Variants in LIN28B observed in about 807,000 individuals in gnomAD.
LIN28B encodes the protein lin-28 RNA binding posttranscriptional regulator B.
In LIN28B, 5 loss-of-function variants were observed where a neutral mutation model predicts 21.9. The ratio of observed to expected loss-of-function variants is 0.23; its 90% CI spans 0.12 to 0.48. The LOEUF (loss-of-function observed/expected upper bound fraction) is 0.48. Among genes scored for constraint, LIN28B ranks in the 20% least tolerant of loss-of-function variants. LIN28B has a pLI of 0.98. For missense variants in LIN28B, 245 were observed against 310.5 expected, an observed-to-expected ratio of 0.79 and a Z score of 1.58; for synonymous variants, 109 against 111.3, an observed-to-expected ratio of 0.98 and a Z score of 0.13.
intron 3 of LIN28B, among the ~76,000 whole-genome samples, chr6:105,057,875 A>G (rs575617161): frequency 6.6e-6 from 1 of 152,196 alleles, no homozygotes; most frequent in African/African-American, 2.4e-5. Flanking sequence ...TTGACCTAGT[A>G]GTGTTAAGAA....
chr6:105,015,030 T>G (rs374316684), intron 2 of LIN28B, among the ~76,000 whole-genome samples: 8 of 152,142 alleles, frequency 5.3e-5, no homozygotes, highest in African/African-American at 1.4e-4. Flanking sequence ...GAATCTCAAA[T>G]AGGTTAAATT....
At chr6:104,970,702 A>AGGGGTGTAG (rs1369676153) in intron 2 of LIN28B, among the ~76,000 whole-genome samples, 4 of 152,128 alleles carry the variant, frequency 2.6e-5, no homozygotes, top group Admixed American at 2.6e-4. Context: ...AGTGTAGAGA[A>AGGGGTGTAG]AGTAGGGGTG....
chr6:105,066,138 A>G (rs1455985746), intron 3 of LIN28B, among the ~76,000 whole-genome samples: 1 of 152,126 alleles, frequency 6.6e-6, no homozygotes, highest in Non-Finnish European at 1.5e-5. Context: ...GTGCCATTGC[A>G]CTCCAGTCTG....
rs375946097 is a variant in LIN28B, at chr6:105,055,129, G to A, written c.384-23285G>A. 3.3e-5 allele frequency among the ~76,000 whole-genome samples: 5 copies of A among 151,784 alleles called. No homozygotes were observed. In the East Asian group the frequency reaches 9.7e-4, roughly 29 times the overall value. On this transcript the variant is annotated intron_variant, in intron 3 of 3. Coordinates refer to ENST00000345080, the MANE Select transcript of LIN28B (RefSeq NM_001004317.4). Reference sequence around the variant, plus strand: ...ATGCACCAAAGTGTGGGATTTTGGGGGATTTATTTGTATTTATTGTGTTTC... The same window carrying A: ...ATGCACCAAAGTGTGGGATTTTGGGAGATTTATTTGTATTTATTGTGTTTC...
chr6:104,977,568 T>G (rs1770125375), intron 2 of LIN28B, among the ~76,000 whole-genome samples: 1 of 151,632 alleles, frequency 6.6e-6, no homozygotes, highest in Non-Finnish European at 1.5e-5. Flanking sequence ...CCTTTCTCTT[T>G]TTGTTGTTGT....
At chr6:104,996,944 A>G (rs544569099) in intron 2 of LIN28B, among the ~76,000 whole-genome samples, 21 of 152,294 alleles carry the variant, frequency 1.4e-4, no homozygotes, top group African/African-American at 5.1e-4. Flanking sequence ...GGAATGAGCT[A>G]TTGCACTCCA....
At chr6:105,036,387 G>A (rs1010187716) in intron 3 of LIN28B, among the ~76,000 whole-genome samples, 3 of 152,144 alleles carry the variant, frequency 2.0e-5, no homozygotes, top group African/African-American at 7.2e-5. Flanking sequence ...TAATTCTTCT[G>A]TATTTTTAAT....
At chr6:105,067,731 A>ATT (rs1772246901) in intron 3 of LIN28B, among the ~76,000 whole-genome samples, 1 of 152,212 alleles carries the variant, frequency 6.6e-6, no homozygotes, top group South Asian at 2.1e-4. Flanking sequence ...AAAGTAGAAA[A>ATT]CTTTCATCAA....
rs535011852 is a variant in LIN28B, at chr6:104,988,497, G to A, written c.198+30211G>A. ...GTCTACCAGTGCAGCCACTTGGCCT[G>A]TAGTTTTTCTTTGTAGAAAGGTTTT... On this transcript the variant is annotated intron_variant, in intron 2 of 3. Coordinates refer to ENST00000345080, the MANE Select transcript of LIN28B (RefSeq NM_001004317.4). Among the ~76,000 whole-genome samples the A allele has an allele frequency of 1.5e-4, 22 of 146,642 alleles. No individual in the cohort carries two copies. In the South Asian group the frequency reaches 1.9e-3, roughly 13 times the overall value.
chr6:105,055,336 A>G (rs1171086036), intron 3 of LIN28B, among the ~76,000 whole-genome samples: 1 of 152,192 alleles, frequency 6.6e-6, no homozygotes, highest in African/African-American at 2.4e-5. Context: ...GTCACTATGA[A>G]TAACAGTATC....
chr6:104,967,643 G>A (rs1035257632), intron 2 of LIN28B, among the ~76,000 whole-genome samples: 3 of 143,286 alleles, frequency 2.1e-5, no homozygotes, highest in Non-Finnish European at 4.6e-5. Context: ...CTCAGTTTTT[G>A]TATAAACATT....
At chr6:104,984,547 C>T (rs774686014) in intron 2 of LIN28B, among the ~76,000 whole-genome samples, 5 of 151,808 alleles carry the variant, frequency 3.3e-5, no homozygotes, top group South Asian at 2.1e-4. Context: ...TGGGCCCAAG[C>T]GATCCTCCCA....
At chr6:105,026,261 T>C (rs1771285372) in intron 2 of LIN28B, 37 bp from the exon 3 acceptor site, 1 of 1,157,120 alleles carries the variant, frequency 8.6e-7, no homozygotes, top group Non-Finnish European at 1.2e-6. Context: ...AATTTTAATC[T>C]CTCTTTTTCT....
At chr6:105,068,711 G>C (rs1486678866) in intron 3 of LIN28B, among the ~76,000 whole-genome samples, 2 of 152,178 alleles carry the variant, frequency 1.3e-5, no homozygotes, top group Admixed American at 1.3e-4. Flanking sequence ...CCATAGGGTG[G>C]TCTGATTAAA....
chr6:105,049,333 G>C (rs1771841739), intron 3 of LIN28B, among the ~76,000 whole-genome samples: 1 of 152,148 alleles, frequency 6.6e-6, no homozygotes, highest in Non-Finnish European at 1.5e-5. Context: ...TGTTAATCCT[G>C]AGTTCTAGTT....
chr6:104,949,908 T>C (rs1000103453), intron 2 of LIN28B, among the ~76,000 whole-genome samples: 4 of 152,214 alleles, frequency 2.6e-5, no homozygotes, highest in African/African-American at 9.6e-5. Context: ...TTAAAATGCA[T>C]ATTAGATATT....
At chr6:104,962,303 G>A (rs184225927) in intron 2 of LIN28B, among the ~76,000 whole-genome samples, 5 of 151,922 alleles carry the variant, frequency 3.3e-5, no homozygotes, top group Non-Finnish European at 7.4e-5. Flanking sequence ...CTGCAATTTA[G>A]CTACCATTAC....
intron 3 of LIN28B, among the ~76,000 whole-genome samples, chr6:105,078,021 CTT>C (rs745586165): frequency 1.1e-4 from 17 of 152,178 alleles, no homozygotes; most frequent in Non-Finnish European, 2.1e-4. Context: ...TTTCTACACT[CTT>C]GTTTTTAAAA....
intron 2 of LIN28B, among the ~76,000 whole-genome samples, chr6:104,938,217 C>A (rs981067214): frequency 6.6e-6 from 1 of 152,010 alleles, no homozygotes; most frequent in African/African-American, 2.4e-5. Flanking sequence ...GTACACCAGC[C>A]TTGGCAACAG....
Sources: gnomAD v4.1 joint callset for allele counts (sites outside exome capture counted in the v4.1 genomes callset) on GRCh38, gnomAD v4.1.1 for gene constraint, MANE v1.5 for transcripts, NCBI Gene and HGNC (gene_info 2026-07-23, HGNC 2026-07-21) for gene names.